The following MYO1C variants were observed in gnomAD, a reference collection of about 807,000 sequenced individuals.
MYO1C encodes the protein myosin IC, also known as unconventional myosin-Ic.
In MYO1C, 104 loss-of-function variants were observed where a neutral mutation model predicts 150.8. That is an observed-to-expected ratio of 0.69 (90% CI 0.59 to 0.81). The LOEUF is 0.81. Ranked by LOEUF, MYO1C falls within the 30% of genes least tolerant of loss-of-function variation. The probability of loss-of-function intolerance (pLI) is 0.00; values close to 1 mark genes in which losing one functional copy is unlikely to be tolerated. For synonymous variants in MYO1C, 663 were observed against 579.9 expected, an observed-to-expected ratio of 1.14 and a Z score of -2.06; for missense variants, 1,504 against 1,435.0, an observed-to-expected ratio of 1.05 and a Z score of -0.78.
At position 1,467,474 on chromosome 17, in the gene MYO1C, C is replaced by T. The variant is rs781428262; in HGVS notation, c.3065+6G>A. The stretch of plus-strand genomic sequence containing the variant: ...GCCCTGTCCCCGGGGGCCGCCCGCG[C>T]CTCACCTGCCCTGGTTGATGTTGAT... On this transcript the variant is annotated splice_donor_region_variant and intron_variant, in intron 30 of 31. Coordinates refer to ENST00000648651, the MANE Select transcript of MYO1C (RefSeq NM_001080779.2). 1.6e-5 allele frequency: 25 copies of T among 1,612,640 alleles called. No homozygotes were observed. The highest frequency in any genetic ancestry group is 2.2e-5 in the South Asian group (2 of 91,058).
chr17:1,471,150 G>A lies in MYO1C; in HGVS notation c.2136-3C>T, dbSNP rs2074294269. ...GGAAGCGGATGAAGATCTTGGTCCT[G>A]GGAGAGCAGTAGTGATCAGCCCGGG... On this transcript the variant is annotated splice_polypyrimidine_tract_variant and splice_region_variant and intron_variant, in intron 20 of 31. Transcript: ENST00000648651. The A allele has an allele frequency of 3.7e-6, 6 of 1,614,006 alleles. No homozygotes were observed. Among genetic ancestry groups the A allele is most frequent in the South Asian group, 3.3e-5 (3 of 91,074 alleles).
chr17:1,472,165 C>A lies in MYO1C; in HGVS notation c.1861G>T (p.Ala621Ser), dbSNP rs767626327. Residue 621 changes from alanine (A) to serine (S), a missense_variant, in exon 18 of 32, where the codon GCC becomes TCC. Transcript: ENST00000648651. ...TTGGGTTTGATGCAGCGGACGTAGG[C>A]GGGCTCCTTAGACTGCAGGATCTCC... Reference protein sequence around the residue: ...LVEILQSKEPAYVRCIKPNDA... With the variant: ...LVEILQSKEPSYVRCIKPNDA... The A allele has an allele frequency of 6.2e-7, 1 of 1,614,128 alleles. No individual in the cohort carries two copies. Among genetic ancestry groups the A allele is most frequent in the Non-Finnish European group, 8.5e-7 (1 of 1,180,004 alleles).
intron 14 of MYO1C, among the ~76,000 whole-genome samples, chr17:1,476,077 G>A (rs2074398089): frequency 6.6e-6 from 1 of 152,096 alleles, no homozygotes; most frequent in Non-Finnish European, 1.5e-5. Flanking sequence ...GCTGTAATAA[G>A]CAATATTATT....
At position 1,465,757 on chromosome 17, in the gene MYO1C, G is replaced by A; in HGVS notation, c.3166-5C>T. 1 of 1,321,552 alleles carries A rather than the reference G, an allele frequency of 7.6e-7. No individual in the cohort carries two copies. The highest frequency in any genetic ancestry group is 9.7e-7 in the Non-Finnish European group (1 of 1,026,138). 81.9% of individuals were successfully genotyped at this position (1,321,552 alleles called of 1,614,324 possible). Reference sequence around the variant, plus strand: ...AGAATTCAGCCGTGGGGCGACCTGTGGGGGCGGAGAGAGACGGCCAAGTGG... The same window carrying A: ...AGAATTCAGCCGTGGGGCGACCTGTAGGGGCGGAGAGAGACGGCCAAGTGG... On this transcript the variant is annotated splice_region_variant and splice_polypyrimidine_tract_variant and intron_variant, in intron 31 of 31. Coordinates refer to ENST00000648651, the MANE Select transcript of MYO1C (RefSeq NM_001080779.2).
intron 15 of MYO1C, 32 bp downstream of exon 15, chr17:1,474,906 C>T: frequency 6.2e-7 from 1 of 1,611,612 alleles, no homozygotes; most frequent in Non-Finnish European, 8.5e-7. Context: ...TCCCCGCAGG[C>T]CCCTGTGGGG....
At chr17:1,485,149 C>A (rs1208272425) in intron 1 of MYO1C, 1 of 1,202,956 alleles carries the variant, frequency 8.3e-7, no homozygotes, top group Non-Finnish European at 1.1e-6. Context: ...CCTCTGGGTC[C>A]TACTGGAGGG....
Position 1,492,475 on chromosome 17 carries a change from C to T in MYO1C, c.13G>A (p.Val5Met). The part of the protein sequence containing the change: MALQ[V>M]ELVPTGEIIR... ...ATCTCCCCGGTGGGTACCAGCTCCA[C>T]TTGCAGCGCCATTCCGCCCTGCGGA... The change falls in exon 1 of 32, where the codon GTG (valine) becomes ATG (methionine). Residue 5 changes from valine (V) to methionine (M), a missense_variant. Val to Met is a conservative substitution (Grantham distance 21). Coordinates refer to ENST00000648651, the MANE Select transcript of MYO1C (RefSeq NM_001080779.2). The T allele has an allele frequency of 6.2e-7, 1 of 1,604,468 alleles. No homozygotes were observed. Among genetic ancestry groups the T allele is most frequent in the Non-Finnish European group, 8.5e-7 (1 of 1,175,888 alleles).
At chr17:1,467,665 A>G in intron 29 of MYO1C, 88 bp from the exon 30 acceptor site, 1 of 608,142 alleles carries the variant, frequency 1.6e-6, no homozygotes, top group Non-Finnish European at 2.2e-6. Flanking sequence ...CCTGACCCCC[A>G]AATCCACCCC....
chr17:1,478,592 G>T lies in MYO1C; in HGVS notation c.1212+24C>A. Reference sequence around the variant, plus strand: ...CCGACGGCCCTCCCTTCTGCCTTGGGAGCAGTGTGGACCGAGCCCTCACCT... The same window carrying T: ...CCGACGGCCCTCCCTTCTGCCTTGGTAGCAGTGTGGACCGAGCCCTCACCT... On this transcript the variant is annotated intron_variant, in intron 10 of 31. Transcript: ENST00000648651. This position sits in a 1 kb window ranked among gnomAD's most constrained non-coding sequence, Gnocchi z 6.3. The T allele has an allele frequency of 6.2e-7, 1 of 1,613,952 alleles. No homozygotes were observed. The highest frequency in any genetic ancestry group is 2.2e-5 in the East Asian group (1 of 44,880).
rs1404633572 is a variant in MYO1C, at chr17:1,468,915, A to G, written c.2611-419T>C. The G allele has an allele frequency of 1.6e-5, 5 of 321,192 alleles. No homozygotes were observed. The East Asian group carries it at 2.4e-4, about 15-fold the overall frequency. The allele number at this position is 321,192 out of a possible 1,614,324, so 19.9% of individuals were successfully genotyped here. ...CAACCAATGCCTGTAATCAGGGCAG[A>G]TATCACCAATCGACCCGAGTGAAGA... On this transcript the variant is annotated intron_variant, in intron 25 of 31. Transcript: ENST00000648651.
intron 5 of MYO1C, among the ~76,000 whole-genome samples, chr17:1,481,658 G>A (rs2074523829): frequency 1.3e-5 from 2 of 150,916 alleles, no homozygotes; most frequent in African/African-American, 4.9e-5. Context: ...ACACCACCGT[G>A]CCTGGCTAAT....
rs1007274310 is a variant in MYO1C at position 1,478,645 on chromosome 17, C to T, written c.1183G>A (p.Gly395Arg). 8.1e-6 allele frequency: 13 copies of T among 1,614,024 alleles called. No homozygotes were observed. Among genetic ancestry groups the T allele is most frequent in the African/African-American group, 5.3e-5 (4 of 74,920 alleles). ...VYSRTFTWLV[G>R]KINRSLASKD... ...GAGGCCAGCGACCTGTTGATCTTCCCGACGAGCCAGGTAAAAGTGCGGCTG... is the reference window on the plus strand; with the variant it reads ...GAGGCCAGCGACCTGTTGATCTTCCTGACGAGCCAGGTAAAAGTGCGGCTG... The change falls in exon 10 of 32, where the codon GGG becomes AGG. Residue 395 changes from glycine (G) to arginine (R), a missense_variant. Gly to Arg is a moderately radical substitution (Grantham distance 125). Coordinates refer to ENST00000648651, the MANE Select transcript of MYO1C (RefSeq NM_001080779.2). The surrounding 1 kb of genome is among the most constrained non-coding windows in gnomAD (Gnocchi z 6.3).
In MYO1C at chr17:1,465,020, C is replaced by G. The variant is rs1369394944; in HGVS notation, c.*706G>C. On this transcript the variant is annotated 3_prime_UTR_variant, in exon 32 of 32. Coordinates refer to ENST00000648651, the MANE Select transcript of MYO1C (RefSeq NM_001080779.2). Reference sequence around the variant, plus strand: ...AGAGGCGGAGTTTCTCCATGTAGGTCAGGTTGGTCTCGAAATCCTGACCTC... The same window carrying G: ...AGAGGCGGAGTTTCTCCATGTAGGTGAGGTTGGTCTCGAAATCCTGACCTC... 1 of 152,182 alleles carries G rather than the reference C, an allele frequency of 6.6e-6. No individual in the cohort carries two copies. The highest frequency in any genetic ancestry group is 1.5e-5 in the Non-Finnish European group (1 of 68,074). 9.4% of individuals were successfully genotyped at this position (152,182 alleles called of 1,614,324 possible).
At chr17:1,482,353 T>A (rs374283542) in intron 5 of MYO1C, 125 bp downstream of exon 5, 1 of 892,462 alleles carries the variant, frequency 1.1e-6, no homozygotes, top group South Asian at 1.4e-5. Context: ...GAAGGCAGGA[T>A]TTTTGTTTGC....
At chr17:1,481,841 A>AAAG (rs1157454253) in intron 5 of MYO1C, among the ~76,000 whole-genome samples, 1 of 151,020 alleles carries the variant, frequency 6.6e-6, no homozygotes. Context: ...AAAAAAAAAA[A>AAAG]AAGTTCTTGC....
At position 1,474,878 on chromosome 17, in the gene MYO1C, G is replaced by A. The variant is rs372409803; in HGVS notation, c.1670-20C>T. The A allele has an allele frequency of 8.4e-5, 135 of 1,613,860 alleles. No individual in the cohort carries two copies. The African/African-American group carries it at 1.2e-3, about 15-fold the overall frequency. ...GAAACCCTGGGAGGGGAGAACCGACGTGAGGTGAGACAGAGCCTCCCCGCA... is the reference window on the plus strand; with the variant it reads ...GAAACCCTGGGAGGGGAGAACCGACATGAGGTGAGACAGAGCCTCCCCGCA... On this transcript the variant is annotated intron_variant, in intron 15 of 31. Transcript: ENST00000648651.
At chr17:1,481,117 C>T (rs2074511292) in intron 5 of MYO1C, 3 of 568,850 alleles carry the variant, frequency 5.3e-6, no homozygotes, top group Non-Finnish European at 9.5e-6. Context: ...GGATGCCTGA[C>T]AGGTATCGCA....
Position 1,468,042 on chromosome 17 carries a change from C to T in MYO1C, c.2842G>A (p.Val948Ile), listed in dbSNP as rs764512419. 1.2e-5 allele frequency: 20 copies of T among 1,613,130 alleles called. No homozygotes were observed. The highest frequency in any genetic ancestry group is 1.5e-5 in the Non-Finnish European group (18 of 1,179,882). ...TTGACTTTGGCGTCCTCCACGATGA[C>T]GACGGCGTTGGGCGTGAGCAGCAGC... ...RQLLLTPNAVVIVEDAKVKQR... is the reference protein window; with the variant it reads ...RQLLLTPNAVIIVEDAKVKQR... Residue 948 changes from valine (V) to isoleucine (I), a missense_variant, in exon 28 of 32, where the codon GTC becomes ATC. Val to Ile is a conservative substitution (Grantham distance 29, BLOSUM62 3). Transcript: ENST00000648651.
chr17:1,479,448 T>C lies in MYO1C; in HGVS notation c.1075A>G (p.Ile359Val). The C allele has an allele frequency of 6.7e-7, 1 of 1,489,836 alleles. No homozygotes were observed. Among genetic ancestry groups the C allele is most frequent in the Non-Finnish European group, 9.1e-7 (1 of 1,094,214 alleles). 92.3% of individuals were successfully genotyped at this position (1,489,836 alleles called of 1,614,324 possible). A position where few individuals can be genotyped will look rare whatever the true frequency, so the allele number is the denominator to read the frequency against. ...GGCCTCACCTCCTCCCCCTTGGCGA[T>C]GATCTTCCTGTGTGTCAGGGCTTCT... ...LREALTHRKIIAKGEELLSPL... is the reference protein window; with the variant it reads ...LREALTHRKIVAKGEELLSPL... The change falls in exon 9 of 32, where the codon ATC (isoleucine) becomes GTC (valine). Residue 359 changes from isoleucine (I) to valine (V), a missense_variant. Transcript: ENST00000648651. The surrounding 1 kb of genome is among the most constrained non-coding windows in gnomAD (Gnocchi z 4.2).
Sources: allele counts gnomAD v4.1 joint callset (sites outside exome capture counted in the v4.1 genomes callset), GRCh38; gene constraint gnomAD v4.1.1; non-coding constraint Gnocchi (gnomAD v3.1); transcripts MANE v1.5; gene names NCBI Gene and HGNC (gene_info 2026-07-23, HGNC 2026-07-21).